RHD: variants seen among roughly 807,000 people sequenced by gnomAD.
The protein encoded by RHD is blood group Rh(D) polypeptide.
A neutral mutation model predicts 45.5 loss-of-function variants in RHD; 16 were observed. The observed-to-expected ratio is 0.35, with a 90% CI of 0.24 to 0.53. The LOEUF is 0.53. Among genes scored for constraint, RHD ranks in the 20% least tolerant of loss-of-function variants. The pLI is 0.92. For missense variants in RHD, 306 were observed against 532.0 expected (o/e 0.58, Z 4.18); for synonymous variants, 131 against 217.5 (o/e 0.60, Z 3.50).
At chr1:25,285,650 A>G (rs1398338694) in intron 2 of RHD, among the ~76,000 whole-genome samples, 1 of 135,264 alleles carries the variant, frequency 7.4e-6, no homozygotes, top group Non-Finnish European at 1.8e-5. Flanking sequence ...ACACAAAATA[A>G]CCGCATGGGG....
At position 25,296,694 on chromosome 1, in the gene RHD, G is replaced by C. The variant is rs1462322029; in HGVS notation, c.487-4252G>C. Among the ~76,000 whole-genome samples, 2 of 128,546 alleles carry C rather than the reference G, an allele frequency of 1.6e-5. 1 individual carries two copies. Among genetic ancestry groups the C allele is most frequent in the African/African-American group, 5.3e-5 (2 of 37,758 alleles). 84.3% of individuals were successfully genotyped at this position (128,546 alleles called of 152,430 possible). On this transcript the variant is annotated intron_variant, in intron 3 of 9. Transcript: ENST00000328664. ...CATGCTGTTCTTGTGACAGTGAGTGGGTTTTCAGGAGAGCTGATGGTTTGA... is the reference window on the plus strand; with the variant it reads ...CATGCTGTTCTTGTGACAGTGAGTGCGTTTTCAGGAGAGCTGATGGTTTGA...
intron 1 of RHD, among the ~76,000 whole-genome samples, chr1:25,281,336 G>A (rs1406862144): frequency 7.7e-6 from 1 of 130,156 alleles, no homozygotes; most frequent in South Asian, 2.3e-4. Context: ...GGTCATGAGC[G>A]CCCCTCACAG....
intron 9 of RHD, among the ~76,000 whole-genome samples, chr1:25,322,476 C>G (rs1571762108): frequency 7.5e-6 from 1 of 132,596 alleles, no homozygotes; most frequent in Non-Finnish European, 1.8e-5. Flanking sequence ...AGTTCGAGAC[C>G]AGCCTGGCCA....
At chr1:25,280,029 CAGG>C in intron 1 of RHD, among the ~76,000 whole-genome samples, 1 of 129,716 alleles carries the variant, frequency 7.7e-6, no homozygotes, top group South Asian at 2.3e-4. Flanking sequence ...GCCTGGAGCC[CAGG>C]AGAAGTGGGA....
rs756069755 is a variant in RHD, at chr1:25,284,529, G to A, written c.149-44G>A. 4.7e-5 allele frequency: 64 copies of A among 1,369,144 alleles called. 1 individual carries two copies. Among genetic ancestry groups the A allele is most frequent in the African/African-American group, 8.5e-5 (6 of 70,698 alleles). The allele number at this position is 1,369,144 out of a possible 1,614,324, so 84.8% of individuals were successfully genotyped here. A position where few individuals can be genotyped will look rare whatever the true frequency, so the allele number is the denominator to read the frequency against. ...CTAATTTCATACCACCCTAAATCTC[G>A]TCTGCTTCCCCCTCGTCCTTCTCGC... On this transcript the variant is annotated intron_variant, in intron 1 of 9. Transcript: ENST00000328664.
chr1:25,311,548 A>G lies in RHD; in HGVS notation c.1073+4819A>G, dbSNP rs532634853. On this transcript the variant is annotated intron_variant, in intron 7 of 9. Transcript: ENST00000328664. Reference sequence around the variant, plus strand: ...TCAAAAAGAAAAAAAAAAGGAAGAAAGAAAATTAGTACACATAGAACAAAG... The same window carrying G: ...TCAAAAAGAAAAAAAAAAGGAAGAAGGAAAATTAGTACACATAGAACAAAG... 5.3e-5 allele frequency among the ~76,000 whole-genome samples: 7 copies of G among 131,330 alleles called. 1 individual carries two copies. Among genetic ancestry groups the G allele is most frequent in the Admixed American group, 5.2e-4 (7 of 13,572 alleles). The allele number at this position is 131,330 out of a possible 152,430, so 86.2% of individuals were successfully genotyped here.
chr1:25,279,241 A>C lies in RHD; in HGVS notation c.149-5332A>C, dbSNP rs1475852442. Among the ~76,000 whole-genome samples the C allele has an allele frequency of 1.6e-5, 2 of 127,520 alleles. 1 individual carries two copies. The highest frequency in any genetic ancestry group is 5.5e-5 in the African/African-American group (2 of 36,670). The allele number at this position is 127,520 out of a possible 152,430, so 83.7% of individuals were successfully genotyped here. The stretch of plus-strand genomic sequence containing the variant: ...CAGCGGCCGGCACGGGGTAACAGTT[A>C]CTAACACTCACTACGTACCCAATGC... On this transcript the variant is annotated intron_variant, in intron 1 of 9. Transcript: ENST00000328664.
rs778436939 is a variant in RHD at position 25,299,509 on chromosome 1, C to T, written c.487-1437C>T. Among the ~76,000 whole-genome samples the T allele has an allele frequency of 2.5e-4, 33 of 131,944 alleles. 7 individuals carry two copies. The highest frequency in any genetic ancestry group is 1.7e-3 in the Admixed American group (23 of 13,594). 86.6% of individuals were successfully genotyped at this position (131,944 alleles called of 152,430 possible). ...CACCCAGGGTGGACTACTCCCTCCA[C>T]CCTGCCCTTGTTACACCCTGGCTGG... On this transcript the variant is annotated intron_variant, in intron 3 of 9. Coordinates refer to ENST00000328664, the MANE Select transcript of RHD (RefSeq NM_016124.6).
chr1:25,329,276 ACT>A lies in RHD; in HGVS notation c.*355_*356del. The A allele has an allele frequency of 2.2e-6, 1 of 455,436 alleles. No individual in the cohort carries two copies. Among genetic ancestry groups the A allele is most frequent in the East Asian group, 3.2e-5 (1 of 31,010 alleles). 28.2% of individuals were successfully genotyped at this position (455,436 alleles called of 1,614,324 possible). A position where few individuals can be genotyped will look rare whatever the true frequency, so the allele number is the denominator to read the frequency against. Reference sequence around the variant, plus strand: ...TTTTTTTTTTTTGAGATGTAGTCTTACTCTGTCACCCAGGCTAGAGTGCAATG... The same window carrying A: ...TTTTTTTTTTTTGAGATGTAGTCTTACTGTCACCCAGGCTAGAGTGCAATG... On this transcript the variant is annotated 3_prime_UTR_variant, in exon 10 of 10. Coordinates refer to ENST00000328664, the MANE Select transcript of RHD (RefSeq NM_016124.6).
At chr1:25,291,469 C>A (rs1642501518) in intron 3 of RHD, among the ~76,000 whole-genome samples, 1 of 129,924 alleles carries the variant, frequency 7.7e-6, no homozygotes, top group Non-Finnish European at 1.8e-5. Context: ...GACTTCATCT[C>A]AAATTTAAAA....
chr1:25,305,545 C>A lies in RHD; in HGVS notation c.940-1051C>A, dbSNP rs1476858235. Among the ~76,000 whole-genome samples, 2 of 128,632 alleles carry A rather than the reference C, an allele frequency of 1.6e-5. 1 individual carries two copies. The highest frequency in any genetic ancestry group is 3.7e-5 in the Non-Finnish European group (2 of 54,716). The allele number at this position is 128,632 out of a possible 152,430, so 84.4% of individuals were successfully genotyped here. A position where few individuals can be genotyped will look rare whatever the true frequency, so the allele number is the denominator to read the frequency against. ...CTGAGTAGCTGGGATTACAGGTGCCCACCACCATGCCTGGCTAATTTTCGT... is the reference window on the plus strand; with the variant it reads ...CTGAGTAGCTGGGATTACAGGTGCCAACCACCATGCCTGGCTAATTTTCGT... On this transcript the variant is annotated intron_variant, in intron 6 of 9. Transcript: ENST00000328664.
At position 25,286,467 on chromosome 1, in the gene RHD, C is replaced by G. The variant is rs1025967071; in HGVS notation, c.335+1708C>G. ...TCGTGCCACTTCACTCCAGCCTGGA[C>G]AACAGAGTGAGACCCTGTCTCAAAA... On this transcript the variant is annotated intron_variant, in intron 2 of 9. Coordinates refer to ENST00000328664, the MANE Select transcript of RHD (RefSeq NM_016124.6). Among the ~76,000 whole-genome samples the G allele has an allele frequency of 4.5e-5, 6 of 134,394 alleles. 1 individual carries two copies. The highest frequency in any genetic ancestry group is 1.5e-4 in the African/African-American group (6 of 38,782). The allele number at this position is 134,394 out of a possible 152,430, so 88.2% of individuals were successfully genotyped here. A position where few individuals can be genotyped will look rare whatever the true frequency, so the allele number is the denominator to read the frequency against.
At chr1:25,285,256 G>T (rs147431019) in intron 2 of RHD, among the ~76,000 whole-genome samples, 2,602 of 132,486 alleles carry the variant, frequency 0.02, 344 homozygotes, top group African/African-American at 0.063. Context: ...TGCCTCAGCC[G>T]CCTGAGTAGC....
Position 25,302,010 on chromosome 1 carries a change from A to C in RHD, c.801+324A>C, listed in dbSNP as rs1415505349. On this transcript the variant is annotated intron_variant, in intron 5 of 9. Transcript: ENST00000328664. ...CATGAGCGAGAGTCAGCAGCAACAGACTAGACTAGAATTAGCCAGCCTCTC... is the reference window on the plus strand; with the variant it reads ...CATGAGCGAGAGTCAGCAGCAACAGCCTAGACTAGAATTAGCCAGCCTCTC... Among the ~76,000 whole-genome samples, 3 of 130,520 alleles carry C rather than the reference A, an allele frequency of 2.3e-5. 1 individual carries two copies. Among genetic ancestry groups the C allele is most frequent in the Non-Finnish European group, 5.5e-5 (3 of 54,960 alleles). The allele number at this position is 130,520 out of a possible 152,430, so 85.6% of individuals were successfully genotyped here. A position where few individuals can be genotyped will look rare whatever the true frequency, so the allele number is the denominator to read the frequency against.
Position 25,284,677 on chromosome 1 carries a change from G to C in RHD, c.253G>C (p.Ala85Pro), listed in dbSNP as rs1219340100. The change falls in exon 2 of 10, where the codon GCG becomes CCG. Residue 85 changes from alanine to proline, a missense_variant. Coordinates refer to ENST00000328664, the MANE Select transcript of RHD (RefSeq NM_016124.6). ...TGTGGCCTTCAACCTCTTCATGCTGGCGCTTGGTGTGCAGTGGGCAATCCT... is the reference window on the plus strand; with the variant it reads ...TGTGGCCTTCAACCTCTTCATGCTGCCGCTTGGTGTGCAGTGGGCAATCCT... The part of the protein sequence containing the change: ...SSVAFNLFML[A>P]LGVQWAILLD... 6.5e-6 allele frequency: 9 copies of C among 1,388,932 alleles called. 1 individual carries two copies. Among genetic ancestry groups the C allele is most frequent in the Non-Finnish European group, 7.1e-6 (7 of 985,620 alleles). 86.0% of individuals were successfully genotyped at this position (1,388,932 alleles called of 1,614,324 possible).
At chr1:25,290,229 C>G (rs370873484) in intron 2 of RHD, among the ~76,000 whole-genome samples, 8 of 128,138 alleles carry the variant, frequency 6.2e-5, no homozygotes, top group African/African-American at 2.2e-4. Context: ...GGCAGGCCTG[C>G]GGGGGAAGAG....
At chr1:25,305,334 G>A (rs112420294) in intron 6 of RHD, among the ~76,000 whole-genome samples, 4 of 131,430 alleles carry the variant, frequency 3.0e-5, no homozygotes, top group African/African-American at 1.0e-4. Context: ...AAAGATGGGA[G>A]GTGCTCAGGC....
Position 25,300,930 on chromosome 1 carries a change from C to T in RHD, c.487-16C>T, listed in dbSNP as rs1198751270. ...AGGATGCCGACACTCACTGCTCTTA[C>T]TGGGTTTTATTGCAGACAGACTACC... On this transcript the variant is annotated splice_polypyrimidine_tract_variant and intron_variant, in intron 3 of 9. Transcript: ENST00000328664. 7.3e-7 allele frequency: 1 copy of T among 1,377,126 alleles called. No individual in the cohort carries two copies. 85.3% of individuals were successfully genotyped at this position (1,377,126 alleles called of 1,614,324 possible).
At position 25,301,476 on chromosome 1, in the gene RHD, G is replaced by A. The variant is rs1372528098; in HGVS notation, c.635-44G>A. The A allele has an allele frequency of 3.0e-6, 4 of 1,352,160 alleles. 1 individual carries two copies. The highest frequency in any genetic ancestry group is 4.2e-6 in the Non-Finnish European group (4 of 955,806). The allele number at this position is 1,352,160 out of a possible 1,614,324, so 83.8% of individuals were successfully genotyped here. A position where few individuals can be genotyped will look rare whatever the true frequency, so the allele number is the denominator to read the frequency against. On this transcript the variant is annotated intron_variant, in intron 4 of 9. Transcript: ENST00000328664. ...AAACCCCTCGAGGCTCAGACCTTTG[G>A]AGCAGGAGTGTGATTCTGGCCAACC... is the stretch of plus-strand genomic sequence containing the variant.
Sources: gnomAD v4.1 joint callset for allele counts (sites outside exome capture counted in the v4.1 genomes callset) on GRCh38, gnomAD v4.1.1 for gene constraint, MANE v1.5 for transcripts, NCBI Gene and HGNC (gene_info 2026-07-23, HGNC 2026-07-21) for gene names.